The following FGD1 variants were observed in gnomAD, a reference collection of about 807,000 sequenced individuals.
FGD1 encodes the protein FYVE, RhoGEF and PH domain containing 1, also known as FYVE, RhoGEF and PH domain-containing protein 1.
FGD1 carries 12 observed loss-of-function variants against 65.0 expected under a neutral mutation model. The ratio of observed to expected loss-of-function variants is 0.18; its 90% CI spans 0.12 to 0.30. The LOEUF (loss-of-function observed/expected upper bound fraction) is 0.30, where lower values mean the gene tolerates loss of function less well. FGD1 is among the 10% of genes least tolerant of loss of function. The pLI, the probability that FGD1 is intolerant of heterozygous loss-of-function variation, is 1.00. For synonymous variants in FGD1, 333 were observed against 343.9 expected, an observed-to-expected ratio of 0.97 and a Z score of 0.35; for missense variants, 542 against 837.6, an observed-to-expected ratio of 0.65 and a Z score of 4.36.
intron 4 of FGD1, among the ~76,000 whole-genome samples, chrX:54,469,565 T>G (rs371958048): frequency 8.9e-6 from 1 of 112,335 alleles, no homozygotes; most frequent in Non-Finnish European, 1.9e-5. Context: ...CTTAGATATA[T>G]GTGTTGACTA....
In FGD1 at chrX:54,445,999, G is replaced by A. The variant is rs1048788237; in HGVS notation, c.*110C>T. 1.1e-5 allele frequency: 6 copies of A among 561,376 alleles called. No homozygotes were observed. The highest frequency in any genetic ancestry group is 6.5e-5 in the South Asian group (2 of 30,556). 46.3% of individuals were successfully genotyped at this position (561,376 alleles called of 1,213,427 possible). On this transcript the variant is annotated 3_prime_UTR_variant, in exon 18 of 18. Coordinates refer to ENST00000375135, the MANE Select transcript of FGD1 (RefSeq NM_004463.3). Reference sequence around the variant, plus strand: ...CCAGCATTCGGGATTGAAAGTGCCCGTGATGGGAGTTCAAGTATTGACTGA... The same window carrying A: ...CCAGCATTCGGGATTGAAAGTGCCCATGATGGGAGTTCAAGTATTGACTGA...
chrX:54,485,764 A>T (rs1433973039), intron 1 of FGD1, among the ~76,000 whole-genome samples: 2 of 100,993 alleles, frequency 2.0e-5, no homozygotes, highest in Non-Finnish European at 1.9e-5. Context: ...AGGCACCATG[A>T]CTGGCTTCAA....
intron 6 of FGD1, among the ~76,000 whole-genome samples, chrX:54,466,982 C>G (rs751835278): frequency 3.6e-5 from 4 of 111,186 alleles, no homozygotes; most frequent in Non-Finnish European, 7.5e-5. Flanking sequence ...CTCTCCTGAC[C>G]TGGTGATCCG....
rs182814405 is a variant in FGD1, at chrX:54,449,390, G to A, written c.2149-122C>T. ...TGGGGATGGGCTGGGGGTAGGGGGA[G>A]CAGCCACATTCAGAAGACCTGCCTT... On this transcript the variant is annotated intron_variant, in intron 14 of 17. Transcript: ENST00000375135. 628 of 894,141 alleles carry A rather than the reference G, an allele frequency of 7.0e-4. 4 individuals are homozygous for A. The African/African-American group carries it at 0.011, about 16-fold the overall frequency. 73.7% of individuals were successfully genotyped at this position (894,141 alleles called of 1,213,427 possible).
intron 8 of FGD1, among the ~76,000 whole-genome samples, chrX:54,458,830 G>A (rs1161825434): frequency 9.0e-6 from 1 of 111,703 alleles, no homozygotes; most frequent in Non-Finnish European, 1.9e-5. Context: ...AGTAGACTAC[G>A]AGCTCCCTAG....
rs201009876 is a variant in FGD1 at position 54,475,744 on chromosome X, T to TA, written c.308-4258dup. Among the ~76,000 whole-genome samples, 776 of 112,518 alleles carry TA rather than the reference T, an allele frequency of 6.9e-3. 3 individuals carry two copies. The highest frequency in any genetic ancestry group is 0.042 in the Middle Eastern group (9 of 216). On this transcript the variant is annotated intron_variant, in intron 1 of 17. Coordinates refer to ENST00000375135, the MANE Select transcript of FGD1 (RefSeq NM_004463.3). The stretch of plus-strand genomic sequence containing the variant: ...CACTTACCTGCACAAGAACCTTCTG[T>TA]AACTCCCTACTGTCCATGGGAAAAT...
chrX:54,462,691 C>G (rs746092259), intron 8 of FGD1, among the ~76,000 whole-genome samples: 5 of 109,319 alleles, frequency 4.6e-5, no homozygotes, highest in Admixed American at 9.8e-5. Flanking sequence ...CACGCCCGGC[C>G]TCGAACCCCA....
At chrX:54,480,657 C>CT (rs1474828783) in intron 1 of FGD1, among the ~76,000 whole-genome samples, 51 of 100,939 alleles carry the variant, frequency 5.1e-4, no homozygotes, top group Admixed American at 5.4e-4. Context: ...GATTTTTCTT[C>CT]TTTTTTTTTT....
chrX:54,460,586 C>A (rs1279539532), intron 8 of FGD1, among the ~76,000 whole-genome samples: 3 of 111,537 alleles, frequency 2.7e-5, no homozygotes, highest in Admixed American at 9.5e-5. Flanking sequence ...ACCCAAAATA[C>A]AAAATTTAGC....
At position 54,496,094 on chromosome X, in the gene FGD1, G is replaced by A. The variant is rs1413112247; in HGVS notation, c.-662C>T. On this transcript the variant is annotated 5_prime_UTR_variant, in exon 1 of 18. Coordinates refer to ENST00000375135, the MANE Select transcript of FGD1 (RefSeq NM_004463.3). ...CTCCAGCCGCGGGGGCAGGAGAACG[G>A]CCTGGGCCGGGCTCCACCGTCCTCC... 9.0e-6 allele frequency: 1 copy of A among 110,622 alleles called. No homozygotes were observed. Among genetic ancestry groups the A allele is most frequent in the African/African-American group, 3.3e-5 (1 of 30,433 alleles). 9.1% of individuals were successfully genotyped at this position (110,622 alleles called of 1,213,427 possible).
At chrX:54,456,651 G>A in intron 8 of FGD1, 84 bp from the exon 9 acceptor site, 1 of 672,029 alleles carries the variant, frequency 1.5e-6, no homozygotes, top group Non-Finnish European at 2.2e-6. Flanking sequence ...TTTTTTTTTT[G>A]AGACGGAGTC....
Position 54,446,027 on chromosome X carries a change from T to C in FGD1, c.*82A>G. 1.3e-6 allele frequency: 1 copy of C among 748,255 alleles called. No individual in the cohort carries two copies. 61.7% of individuals were successfully genotyped at this position (748,255 alleles called of 1,213,427 possible). ...ATGGGAGTTCAAGTATTGACTGAGC[T>C]GGGAGGGAAGGGGCTAGAGCCCCCA... On this transcript the variant is annotated 3_prime_UTR_variant, in exon 18 of 18. Coordinates refer to ENST00000375135, the MANE Select transcript of FGD1 (RefSeq NM_004463.3).
intron 1 of FGD1, among the ~76,000 whole-genome samples, chrX:54,482,236 G>GCA (rs759070309): frequency 0.03 from 2,949 of 99,296 alleles, 34 homozygotes; most frequent in Middle Eastern, 0.054. Flanking sequence ...GCACACGCGC[G>GCA]CACACACACA....
At position 54,447,472 on chromosome X, in the gene FGD1, G is replaced by A. The variant is rs552289674; in HGVS notation, c.2437-18C>T. ...GCCTGTTTCTGTGGCCAGAGACACCGGGCATCAATGTTGACAGAAGGCCTA... is the reference window on the plus strand; with the variant it reads ...GCCTGTTTCTGTGGCCAGAGACACCAGGCATCAATGTTGACAGAAGGCCTA... On this transcript the variant is annotated intron_variant, in intron 16 of 17. Transcript: ENST00000375135. The A allele has an allele frequency of 1.0e-5, 12 of 1,205,330 alleles. No individual in the cohort carries two copies. The highest frequency in any genetic ancestry group is 1.3e-5 in the Non-Finnish European group (12 of 891,738).
In FGD1 at chrX:54,470,182, G is replaced by A. The variant is rs28935498; in HGVS notation, c.935C>T (p.Pro312Leu). 7.6e-4 allele frequency: 921 copies of A among 1,208,125 alleles called. 1 individual carries two copies. The highest frequency in any genetic ancestry group is 9.9e-4 in the Non-Finnish European group (882 of 894,136). Residue 312 changes from proline (P) to leucine (L), a missense_variant, in exon 4 of 18, where the codon CCT becomes CTT. Around this residue, in one of 6 missense-constraint regions of FGD1, gnomAD observed 297 missense variants for 326.8 expected, o/e 0.91. Coordinates refer to ENST00000375135, the MANE Select transcript of FGD1 (RefSeq NM_004463.3). ...DDGPPSHSLC[P>L]GPPALASVPV... is the part of the protein sequence containing the mutation. ...CACACTAGCCAGGGCAGGGGGCCCA[G>A]GGCAGAGGCTGTGGCTGGGGGGCCC...
At chrX:54,471,042 G>A (rs191590734) in intron 2 of FGD1, among the ~76,000 whole-genome samples, 8 of 108,595 alleles carry the variant, frequency 7.4e-5, no homozygotes, top group South Asian at 4.1e-4. Flanking sequence ...ATTTGGAGGT[G>A]GCTGGCTGTC....
intron 16 of FGD1, 38 bp from the exon 17 acceptor site, chrX:54,447,492 G>A (rs923090800): frequency 8.4e-7 from 1 of 1,185,125 alleles, no homozygotes; most frequent in African/African-American, 1.7e-5. Context: ...GTTGACAGAA[G>A]GCCTAGCCTG....
At chrX:54,454,075 A>G (rs1020487470) in intron 12 of FGD1, among the ~76,000 whole-genome samples, 10 of 112,015 alleles carry the variant, frequency 8.9e-5, no homozygotes, top group African/African-American at 3.2e-4. Context: ...ATATTTTGCC[A>G]TATTTACTTC....
At chrX:54,454,640 T>C (rs1922453418) in intron 12 of FGD1, among the ~76,000 whole-genome samples, 1 of 89,868 alleles carries the variant, frequency 1.1e-5, no homozygotes, top group African/African-American at 4.8e-5. Context: ...AGTGAGACTC[T>C]GTCTTAAAAA....
Sources: allele counts gnomAD v4.1 joint callset (sites outside exome capture counted in the v4.1 genomes callset), GRCh38; gene constraint gnomAD v4.1.1; regional missense constraint gnomAD v4.1.1; transcripts MANE v1.5; gene names NCBI Gene and HGNC (gene_info 2026-07-23, HGNC 2026-07-21).